SH3BP2: variants seen among roughly 807,000 people sequenced by gnomAD.
The protein encoded by SH3BP2 is SH3 domain-binding protein 2.
SH3BP2 carries 38 observed loss-of-function variants against 56.2 expected under a neutral mutation model. The observed-to-expected ratio is 0.68, with a 90% CI of 0.52 to 0.89. SH3BP2 has a LOEUF of 0.89. SH3BP2 is among the 40% of genes least tolerant of loss of function. SH3BP2 has a pLI of 0.00. For synonymous variants in SH3BP2, 346 were observed against 316.7 expected, an observed-to-expected ratio of 1.09 and a Z score of -0.98; for missense variants, 748 against 762.6, an observed-to-expected ratio of 0.98 and a Z score of 0.23.
rs1470194215 is a variant in SH3BP2 at position 2,829,609 on chromosome 4, C to T, written c.703C>T (p.Leu235=). 14 of 1,612,456 alleles carry T rather than the reference C, an allele frequency of 8.7e-6. No individual in the cohort carries two copies. The African/African-American group carries it at 9.4e-5, about 11-fold the overall frequency. The change falls in exon 8 of 13, where the codon CTG becomes TTG. Residue 235 remains leucine, a synonymous_variant. Transcript: ENST00000503393. This position sits in a 1 kb window ranked among gnomAD's most constrained non-coding sequence, Gnocchi z 4.9. ...SFTSKGPGPL[L]PPPPPKHGLP... ...TACCTCCAAGGGCCCCGGTCCCCTA[C>T]TGCCACCCCCGCCCCCTAAGCACGG...
At chr4:2,832,523 C>T in intron 11 of SH3BP2, 111 bp downstream of exon 11, 1 of 819,880 alleles carries the variant, frequency 1.2e-6, no homozygotes, top group Non-Finnish European at 2.2e-6. Context: ...TGGACTCTTA[C>T]TTGGTGTCTC....
At chr4:2,797,228 G>A (rs930395888) in intron 1 of SH3BP2, among the ~76,000 whole-genome samples, 3 of 152,198 alleles carry the variant, frequency 2.0e-5, no homozygotes, top group African/African-American at 7.2e-5. Flanking sequence ...GGACAAGGTG[G>A]GAAGGGATCA....
chr4:2,813,037 C>A (rs1723832329), intron 1 of SH3BP2, among the ~76,000 whole-genome samples: 1 of 152,202 alleles, frequency 6.6e-6, no homozygotes, highest in African/African-American at 2.4e-5. Context: ...CACCCTGCCC[C>A]TGGCCAGCAG....
In SH3BP2 at chr4:2,829,346, G is replaced by C; in HGVS notation, c.587-147G>C. 1 of 766,768 alleles carries C rather than the reference G, an allele frequency of 1.3e-6. No homozygotes were observed. The highest frequency in any genetic ancestry group is 1.6e-5 in the South Asian group (1 of 63,248). 47.5% of individuals were successfully genotyped at this position (766,768 alleles called of 1,614,324 possible). A position where few individuals can be genotyped will look rare whatever the true frequency, so the allele number is the denominator to read the frequency against. Reference sequence around the variant, plus strand: ...ACCCTGGGGAAGGCAGGATGGGAGTGCTGGGTGCTGGGCTGCTGGGTGGGC... The same window carrying C: ...ACCCTGGGGAAGGCAGGATGGGAGTCCTGGGTGCTGGGCTGCTGGGTGGGC... On this transcript the variant is annotated intron_variant, in intron 7 of 12. Coordinates refer to ENST00000503393, the MANE Select transcript of SH3BP2 (RefSeq NM_001122681.2). This position sits in a 1 kb window ranked among gnomAD's most constrained non-coding sequence, Gnocchi z 4.9.
At chr4:2,818,253 C>T (rs1430581370) in intron 1 of SH3BP2, 1 of 996,786 alleles carries the variant, frequency 1.0e-6, no homozygotes, top group Non-Finnish European at 1.2e-6. Flanking sequence ...GGCCGCGGAG[C>T]TGGGGCCGGC....
At chr4:2,817,739 A>G (rs1724062848) in intron 1 of SH3BP2, 1 of 152,232 alleles carries the variant, frequency 6.6e-6, no homozygotes, top group Non-Finnish European at 1.5e-5. Flanking sequence ...CTGGAGGCCC[A>G]TGGAGTCCCG....
At chr4:2,803,161 G>A (rs896182506) in intron 1 of SH3BP2, among the ~76,000 whole-genome samples, 4 of 152,138 alleles carry the variant, frequency 2.6e-5, no homozygotes, top group Admixed American at 6.5e-5. Flanking sequence ...ACTGCTATAC[G>A]GTCCCAAGGC....
rs1724850429 is a variant in SH3BP2, at chr4:2,829,446, T to C, written c.587-47T>C. ...GACCACTGCCAGCAGAGGATAGTGT[T>C]GGCCCAGTCTCTGTCAGGGTCCAAC... is the stretch of plus-strand genomic sequence containing the variant. On this transcript the variant is annotated intron_variant, in intron 7 of 12. Transcript: ENST00000503393. This position sits in a 1 kb window ranked among gnomAD's most constrained non-coding sequence, Gnocchi z 4.9. The C allele has an allele frequency of 6.2e-7, 1 of 1,603,512 alleles. No homozygotes were observed. Among genetic ancestry groups the C allele is most frequent in the Admixed American group, 1.7e-5 (1 of 59,964 alleles).
chr4:2,815,596 G>A (rs918131396), intron 1 of SH3BP2, among the ~76,000 whole-genome samples: 2 of 152,218 alleles, frequency 1.3e-5, no homozygotes, highest in African/African-American at 2.4e-5. Flanking sequence ...AGGAGGTGGT[G>A]GGTTCCATCT....
chr4:2,812,712 G>A (rs915936899), intron 1 of SH3BP2, among the ~76,000 whole-genome samples: 6 of 148,348 alleles, frequency 4.0e-5, no homozygotes, highest in African/African-American at 1.5e-4. Flanking sequence ...GAGGGAATGT[G>A]ATACTTAGAA....
At chr4:2,821,668 C>G (rs571820912) in intron 2 of SH3BP2, among the ~76,000 whole-genome samples, 2 of 151,514 alleles carry the variant, frequency 1.3e-5, no homozygotes, top group African/African-American at 4.9e-5. Flanking sequence ...CAGGTGATCC[C>G]CTCAGCTGGG....
In SH3BP2 at chr4:2,829,616, C is replaced by T. The variant is rs1724860907; in HGVS notation, c.710C>T (p.Pro237Leu). 1 of 1,612,690 alleles carries T rather than the reference C, an allele frequency of 6.2e-7. No individual in the cohort carries two copies. Among genetic ancestry groups the T allele is most frequent in the Non-Finnish European group, 8.5e-7 (1 of 1,179,566 alleles). ...AAGGGCCCCGGTCCCCTACTGCCAC[C>T]CCCGCCCCCTAAGCACGGCCTCCCA... is the stretch of plus-strand genomic sequence containing the variant. ...TSKGPGPLLP[P>L]PPPKHGLPDV... The change falls in exon 8 of 13, where the codon CCC becomes CTC. Residue 237 changes from proline to leucine, a missense_variant. Pro to Leu is a moderately conservative substitution (Grantham distance 98). Coordinates refer to ENST00000503393, the MANE Select transcript of SH3BP2 (RefSeq NM_001122681.2). The surrounding 1 kb of genome is among the most constrained non-coding windows in gnomAD (Gnocchi z 4.9).
intron 12 of SH3BP2, 24 bp downstream of exon 12, chr4:2,833,073 G>A (rs1725084005): frequency 6.2e-7 from 1 of 1,612,000 alleles, no homozygotes; most frequent in Non-Finnish European, 8.5e-7. Context: ...GAGTGGGACG[G>A]GGACCCTGGC....
chr4:2,803,403 C>G (rs56662647), intron 1 of SH3BP2, among the ~76,000 whole-genome samples: 9,001 of 152,280 alleles, frequency 0.059, 517 homozygotes, highest in African/African-American at 0.15. Context: ...ACTTCCAGGG[C>G]CTAGGGACCC....
chr4:2,807,194 G>A (rs372447103), intron 1 of SH3BP2, among the ~76,000 whole-genome samples: 66 of 152,328 alleles, frequency 4.3e-4, no homozygotes, highest in African/African-American at 1.4e-3. Flanking sequence ...ACTGGGCAGA[G>A]GTCCAGGGGT....
At position 2,838,588 on chromosome 4, in the gene SH3BP2, C is replaced by T. The variant is rs941159916; in HGVS notation, c.*4754C>T. 1.3e-5 allele frequency: 2 copies of T among 151,962 alleles called. No individual in the cohort carries two copies. The highest frequency in any genetic ancestry group is 2.9e-5 in the Non-Finnish European group (2 of 68,026). 9.4% of individuals were successfully genotyped at this position (151,962 alleles called of 1,614,324 possible). ...CAGCCCAGGATGCCTTTGAATGTGG[C>T]CCAACACAAATTTGTAAACTTTCTT... On this transcript the variant is annotated 3_prime_UTR_variant, in exon 13 of 13. Coordinates refer to ENST00000503393, the MANE Select transcript of SH3BP2 (RefSeq NM_001122681.2).
intron 5 of SH3BP2, chr4:2,826,887 G>A (rs745420697): frequency 6.7e-5 from 34 of 510,420 alleles, no homozygotes; most frequent in East Asian, 2.1e-4. Flanking sequence ...ATGTCTGCGC[G>A]TGTCCCTGTG....
At chr4:2,806,500 C>T (rs1172756775) in intron 1 of SH3BP2, among the ~76,000 whole-genome samples, 1 of 152,206 alleles carries the variant, frequency 6.6e-6, no homozygotes, top group Non-Finnish European at 1.5e-5. Context: ...GCCGCCTCTG[C>T]TGCTTGTGGT....
At chr4:2,803,371 C>T (rs564086552) in intron 1 of SH3BP2, among the ~76,000 whole-genome samples, 20 of 152,302 alleles carry the variant, frequency 1.3e-4, no homozygotes, top group African/African-American at 4.6e-4. Flanking sequence ...TGCTGGGATC[C>T]GGGATAAGCA....
Sources: allele counts gnomAD v4.1 joint callset (sites outside exome capture counted in the v4.1 genomes callset), GRCh38; gene constraint gnomAD v4.1.1; non-coding constraint Gnocchi (gnomAD v3.1); transcripts MANE v1.5; gene names NCBI Gene and HGNC (gene_info 2026-07-23, HGNC 2026-07-21).